KANSL2: variants seen among roughly 807,000 people sequenced by gnomAD.
KANSL2 encodes the protein KAT8 regulatory NSL complex subunit 2, also known as NSL complex protein NSL2.
In KANSL2, 34 loss-of-function variants were observed where a neutral mutation model predicts 55.6. The ratio of observed to expected loss-of-function variants is 0.61; its 90% CI spans 0.46 to 0.81. The LOEUF (loss-of-function observed/expected upper bound fraction) is 0.81. Among genes scored for constraint, KANSL2 ranks in the 40% least tolerant of loss-of-function variants. The pLI is 0.00. For synonymous variants in KANSL2, 209 were observed against 214.3 expected (o/e 0.98, Z 0.22); for missense variants, 502 against 609.9 (o/e 0.82, Z 1.86).
chr12:48,673,724 G>T (rs1244977916), intron 4 of KANSL2, among the ~76,000 whole-genome samples: 1 of 152,020 alleles, frequency 6.6e-6, no homozygotes, highest in African/African-American at 2.4e-5. Context: ...GAGGCAGGCA[G>T]ATTGCTTGAG....
intron 7 of KANSL2, among the ~76,000 whole-genome samples, chr12:48,661,729 C>A (rs1212911744): frequency 6.6e-6 from 1 of 152,138 alleles, no homozygotes; most frequent in East Asian, 1.9e-4. Context: ...ACTAAACTCT[C>A]AAGCAGGGTG....
intron 4 of KANSL2, among the ~76,000 whole-genome samples, chr12:48,672,409 G>A (rs1375141939): frequency 9.7e-5 from 12 of 123,380 alleles, no homozygotes; most frequent in Middle Eastern, 4.4e-3. Context: ...ATATATATAC[G>A]TATATATATA....
intron 1 of KANSL2, chr12:48,681,926 C>A (rs1312869167): frequency 3.3e-5 from 23 of 703,198 alleles, no homozygotes; most frequent in South Asian, 2.2e-4. Context: ...CAGCCCCACG[C>A]GGCGGCCACG....
intron 4 of KANSL2, 61 bp from the exon 5 acceptor site, chr12:48,672,023 A>G (rs1939722857): frequency 1.4e-6 from 2 of 1,421,352 alleles, no homozygotes; most frequent in Admixed American, 5.0e-5. Flanking sequence ...CCCAAGTTTG[A>G]AAGAGTAGAG....
intron 9 of KANSL2, 120 bp from the exon 10 acceptor site, chr12:48,654,295 C>T: frequency 9.5e-7 from 1 of 1,054,536 alleles, no homozygotes; most frequent in Admixed American, 1.8e-5. Flanking sequence ...GAAATTAATT[C>T]TGGACAGATG....
intron 7 of KANSL2, among the ~76,000 whole-genome samples, chr12:48,665,287 G>A (rs764960366): frequency 5.9e-5 from 9 of 152,124 alleles, no homozygotes; most frequent in Admixed American, 2.0e-4. Context: ...ATAAGTGGCC[G>A]GGCGCTGTGG....
At chr12:48,679,202 C>A in intron 3 of KANSL2, 52 bp from the exon 4 acceptor site, 1 of 1,166,198 alleles carries the variant, frequency 8.6e-7, no homozygotes, top group Non-Finnish European at 1.3e-6. Context: ...TCTGTAACTC[C>A]ACCACACAAA....
intron 4 of KANSL2, among the ~76,000 whole-genome samples, chr12:48,677,784 C>CA (rs56147873): frequency 0.27 from 12,706 of 47,666 alleles, 3,226 homozygotes; most frequent in East Asian, 0.82. Flanking sequence ...GACTCCATCT[C>CA]AAAAAAAAAA....
chr12:48,657,880 G>C (rs999196072), intron 8 of KANSL2, among the ~76,000 whole-genome samples: 1 of 152,036 alleles, frequency 6.6e-6, no homozygotes, highest in African/African-American at 2.4e-5. Context: ...GACTCCCAAA[G>C]TGCTGGGATT....
intron 2 of KANSL2, 181 bp from the exon 3 acceptor site, chr12:48,680,014 G>T (rs928355683): frequency 1.7e-6 from 1 of 574,056 alleles, no homozygotes; most frequent in Non-Finnish European, 3.0e-6. Context: ...TTATTAAAGG[G>T]AAATAACAGG....
At chr12:48,662,484 CT>C (rs1295727659) in intron 7 of KANSL2, 3 of 1,147,914 alleles carry the variant, frequency 2.6e-6, no homozygotes, top group Non-Finnish European at 3.3e-6. Flanking sequence ...TAAAAAAGGA[CT>C]CCCCCCATCA....
chr12:48,668,326 T>C (rs958221938), intron 6 of KANSL2, among the ~76,000 whole-genome samples: 1 of 152,234 alleles, frequency 6.6e-6, no homozygotes, highest in Non-Finnish European at 1.5e-5. Context: ...CTACTCAATA[T>C]GCAGATGAGA....
At chr12:48,657,533 C>A (rs1939408750) in intron 8 of KANSL2, among the ~76,000 whole-genome samples, 3 of 152,182 alleles carry the variant, frequency 2.0e-5, no homozygotes, top group Non-Finnish European at 4.4e-5. Flanking sequence ...CTGTACTACC[C>A]ACAGAAACCA....
chr12:48,657,888 A>T (rs1939417712), intron 8 of KANSL2, among the ~76,000 whole-genome samples: 2 of 151,900 alleles, frequency 1.3e-5, no homozygotes, highest in African/African-American at 4.8e-5. Flanking sequence ...AAGTGCTGGG[A>T]TTACAAGCGT....
At chr12:48,658,456 A>G (rs1406477859) in intron 8 of KANSL2, among the ~76,000 whole-genome samples, 1 of 152,202 alleles carries the variant, frequency 6.6e-6, no homozygotes, top group Admixed American at 6.5e-5. Flanking sequence ...CAGGATATAA[A>G]GAGAATCCAT....
At chr12:48,655,888 C>G (rs1939370540) in intron 8 of KANSL2, among the ~76,000 whole-genome samples, 1 of 152,124 alleles carries the variant, frequency 6.6e-6, no homozygotes, top group Non-Finnish European at 1.5e-5. Context: ...CAGCAAGACT[C>G]CATCTCTACC....
chr12:48,671,880 G>T lies in KANSL2; in HGVS notation c.628C>A (p.Gln210Lys). 6.2e-7 allele frequency: 1 copy of T among 1,613,064 alleles called. No homozygotes were observed. Among genetic ancestry groups the T allele is most frequent in the South Asian group, 1.1e-5 (1 of 90,974 alleles). The change falls in exon 5 of 10, where the codon CAG (glutamine) becomes AAG (lysine). Residue 210 changes from glutamine (Q) to lysine (K), a missense_variant. Physicochemically the swap from Gln to Lys is moderately conservative, Grantham distance 53 (BLOSUM62 1). Coordinates refer to ENST00000420613, the MANE Select transcript of KANSL2 (RefSeq NM_017822.4). ...LIRLQSLYID[Q>K]FKRLQHLLKE... ...AGCAGATGCTGAAGTCGTTTAAACT[G>T]ATCAATATACAACGACTGCAAACGA...
chr12:48,654,403 T>C (rs1939337469), intron 9 of KANSL2: 5 of 753,732 alleles, frequency 6.6e-6, no homozygotes, highest in African/African-American at 3.4e-5. Context: ...CCAAATGAAA[T>C]AGCCATTCCC....
rs143827771 is a variant in KANSL2, at chr12:48,654,129, C to T, written c.1394G>A (p.Arg465Gln). 31,484 of 1,612,912 alleles carry T rather than the reference C, an allele frequency of 0.02. 410 individuals carry two copies. The highest frequency in any genetic ancestry group is 0.023 in the Non-Finnish European group (26,987 of 1,179,340). ...AGDGCRSQGS[R>Q]NSEKASAPLS... ...TGGTGCAGAGGCTTTCTCAGAATTT[C>T]GAGATCCCTGGGATCTGCACCCATC... The change falls in exon 10 of 10, where the codon CGA becomes CAA. Residue 465 changes from arginine to glutamine, a missense_variant. Coordinates refer to ENST00000420613, the MANE Select transcript of KANSL2 (RefSeq NM_017822.4).
Sources: allele counts gnomAD v4.1 joint callset (sites outside exome capture counted in the v4.1 genomes callset), GRCh38; gene constraint gnomAD v4.1.1; transcripts MANE v1.5; gene names NCBI Gene and HGNC (gene_info 2026-07-23, HGNC 2026-07-21).